MAP3K9: variants seen among roughly 807,000 people sequenced by gnomAD.
MAP3K9 encodes the protein mitogen-activated protein kinase kinase kinase 9.
In MAP3K9, 46 loss-of-function variants were observed where a neutral mutation model predicts 95.8. The observed-to-expected ratio is 0.48, with a 90% CI of 0.38 to 0.61. MAP3K9 has a LOEUF of 0.61. Ranked by LOEUF, MAP3K9 falls within the 20% of genes least tolerant of loss-of-function variation. The pLI is 0.00. For missense variants in MAP3K9, 1,296 were observed against 1,474.3 expected (o/e 0.88, Z 1.98); for synonymous variants, 533 against 593.8 (o/e 0.90, Z 1.49).
At chr14:70,799,121 C>T (rs577916554) in intron 2 of MAP3K9, among the ~76,000 whole-genome samples, 1 of 152,260 alleles carries the variant, frequency 6.6e-6, no homozygotes, top group African/African-American at 2.4e-5. Context: ...TTAACTTCCT[C>T]TTCTTTTTAG....
rs1487225297 is a variant in MAP3K9 at position 70,725,142 on chromosome 14, A to T, written c.*5238T>A. The T allele has an allele frequency of 6.6e-6, 1 of 152,328 alleles. No homozygotes were observed. Among genetic ancestry groups the T allele is most frequent in the Non-Finnish European group, 1.5e-5 (1 of 68,160 alleles). The allele number at this position is 152,328 out of a possible 1,614,324, so 9.4% of individuals were successfully genotyped here. ...CAAAGCTCTTCTCTCTATCCAGCTC[A>T]AGGCCCAAAGCAGGCTCCCCGTAGG... is the stretch of plus-strand genomic sequence containing the variant. On this transcript the variant is annotated 3_prime_UTR_variant, in exon 12 of 12. Coordinates refer to ENST00000554752, the MANE Select transcript of MAP3K9 (RefSeq NM_001284230.2).
intron 2 of MAP3K9, among the ~76,000 whole-genome samples, chr14:70,766,617 C>T (rs2054459293): frequency 6.6e-6 from 1 of 152,160 alleles, no homozygotes; most frequent in Non-Finnish European, 1.5e-5. Context: ...ATCCTTAAAT[C>T]ACCCCTCAGC....
In MAP3K9 at chr14:70,730,478, C is replaced by G; in HGVS notation, c.3217G>C (p.Glu1073Gln). 6.2e-7 allele frequency: 1 copy of G among 1,614,182 alleles called. No homozygotes were observed. The highest frequency in any genetic ancestry group is 1.1e-5 in the South Asian group (1 of 91,086). ...TERTLLDLDA[E>Q]GQSQDSTVPL... Reference sequence around the variant, plus strand: ...ACGGTGCTGTCCTGACTCTGCCCCTCTGCATCCAGGTCCAGGAGCGTCCGC... The same window carrying G: ...ACGGTGCTGTCCTGACTCTGCCCCTGTGCATCCAGGTCCAGGAGCGTCCGC... Residue 1073 changes from glutamate to glutamine, a missense_variant, in exon 12 of 12, where the codon GAG becomes CAG. Transcript: ENST00000554752.
At chr14:70,764,627 T>C (rs1222746737) in intron 2 of MAP3K9, among the ~76,000 whole-genome samples, 1 of 151,900 alleles carries the variant, frequency 6.6e-6, no homozygotes, top group East Asian at 1.9e-4. Context: ...GCCCAGGAGC[T>C]GGAGACCAGC....
intron 1 of MAP3K9, 146 bp from the exon 2 acceptor site, chr14:70,801,226 G>A (rs1285945804): frequency 1.3e-5 from 9 of 712,390 alleles, no homozygotes; most frequent in Non-Finnish European, 1.8e-5. Context: ...AATTCCATAA[G>A]GGCAGGAACT....
chr14:70,753,841 AT>A (rs566998319), intron 3 of MAP3K9, among the ~76,000 whole-genome samples: 4 of 151,452 alleles, frequency 2.6e-5, no homozygotes, highest in African/African-American at 7.3e-5. Flanking sequence ...GGGGTGTTTG[AT>A]TTTTTTTTCA....
At chr14:70,751,297 G>C (rs2054224070) in intron 3 of MAP3K9, among the ~76,000 whole-genome samples, 1 of 152,214 alleles carries the variant, frequency 6.6e-6, no homozygotes. Context: ...CCAGGAATAA[G>C]TCAGGACAAG....
At chr14:70,785,865 C>G (rs1357596229) in intron 2 of MAP3K9, among the ~76,000 whole-genome samples, 1 of 152,104 alleles carries the variant, frequency 6.6e-6, no homozygotes, top group Non-Finnish European at 1.5e-5. Context: ...ACTTATGAAT[C>G]GTTATTTCTA....
chr14:70,803,078 C>A (rs1566770917), intron 1 of MAP3K9, among the ~76,000 whole-genome samples: 1 of 151,930 alleles, frequency 6.6e-6, no homozygotes, highest in Admixed American at 6.6e-5. Context: ...TGACACCTAT[C>A]TGGTTTTTCT....
chr14:70,799,155 T>C (rs2054900229), intron 2 of MAP3K9, among the ~76,000 whole-genome samples: 1 of 151,110 alleles, frequency 6.6e-6, no homozygotes, highest in Admixed American at 6.6e-5. Context: ...TTTTCTACAA[T>C]AGACACTTAC....
intron 2 of MAP3K9, among the ~76,000 whole-genome samples, chr14:70,794,929 G>A (rs547492941): frequency 2.0e-5 from 3 of 149,594 alleles, no homozygotes; most frequent in Non-Finnish European, 3.0e-5. Context: ...CACCTGTCTC[G>A]GCCTCCCAAT....
At position 70,809,200 on chromosome 14, in the gene MAP3K9, CGCCGCCGCCCGCAGGA is replaced by C. The variant is rs1458928860; in HGVS notation, c.-45_-30del. ...GCGGCCGATCCATAGGGTGCGGGGC[CGCCGCCGCCCGCAGGA>C]GCCGCCGCCGCCTATTGTTCATGCG... On this transcript the variant is annotated 5_prime_UTR_variant, in exon 1 of 12. Coordinates refer to ENST00000554752, the MANE Select transcript of MAP3K9 (RefSeq NM_001284230.2). The C allele has an allele frequency of 3.1e-6, 4 of 1,285,270 alleles. No individual in the cohort carries two copies. In the East Asian group the frequency reaches 9.4e-5, roughly 30 times the overall value. The allele number at this position is 1,285,270 out of a possible 1,614,324, so 79.6% of individuals were successfully genotyped here.
intron 2 of MAP3K9, among the ~76,000 whole-genome samples, chr14:70,775,140 T>A (rs1216863027): frequency 6.6e-6 from 1 of 152,030 alleles, no homozygotes; most frequent in African/African-American, 2.4e-5. Flanking sequence ...AGGATAAACA[T>A]GTGTTTTTGT....
intron 2 of MAP3K9, among the ~76,000 whole-genome samples, chr14:70,776,833 C>CTT (rs11361103): frequency 1.4e-5 from 2 of 138,552 alleles, no homozygotes; most frequent in East Asian, 2.1e-4. Context: ...AGATCTCTCA[C>CTT]TTTTTTTTTT....
intron 1 of MAP3K9, among the ~76,000 whole-genome samples, chr14:70,803,731 G>C (rs1464320371): frequency 6.6e-6 from 1 of 152,192 alleles, no homozygotes; most frequent in East Asian, 1.9e-4. Flanking sequence ...AATTCCAACT[G>C]TTTAAAGAGG....
At chr14:70,790,776 T>C (rs2139842835) in intron 2 of MAP3K9, among the ~76,000 whole-genome samples, 1 of 152,310 alleles carries the variant, frequency 6.6e-6, no homozygotes, top group African/African-American at 2.4e-5. Flanking sequence ...AGTAAAGACC[T>C]GGGCTCCCTG....
At chr14:70,793,186 C>T (rs963380578) in intron 2 of MAP3K9, among the ~76,000 whole-genome samples, 17 of 152,182 alleles carry the variant, frequency 1.1e-4, no homozygotes, top group East Asian at 1.9e-4. Flanking sequence ...TCCTAGCAGC[C>T]GGCAACTGGC....
intron 8 of MAP3K9, among the ~76,000 whole-genome samples, chr14:70,736,380 T>C (rs2139715293): frequency 6.6e-6 from 1 of 152,300 alleles, no homozygotes; most frequent in South Asian, 2.1e-4. Context: ...TCAAAATGGC[T>C]TTTGTTCATC....
intron 5 of MAP3K9, among the ~76,000 whole-genome samples, chr14:70,744,075 C>T (rs1372472410): frequency 6.6e-6 from 1 of 152,134 alleles, no homozygotes; most frequent in Non-Finnish European, 1.5e-5. Context: ...AGCTGGAGAC[C>T]ATCATTCTCA....
Sources: gnomAD v4.1 joint callset for allele counts (sites outside exome capture counted in the v4.1 genomes callset) on GRCh38, gnomAD v4.1.1 for gene constraint, MANE v1.5 for transcripts, NCBI Gene and HGNC (gene_info 2026-07-23, HGNC 2026-07-21) for gene names.